The following GSE1 variants were observed in gnomAD, a reference collection of about 807,000 sequenced individuals.
GSE1 encodes the protein genetic suppressor element 1.
GSE1 carries 32 observed loss-of-function variants against 112.6 expected under a neutral mutation model. The observed-to-expected ratio is 0.28, with a 90% CI of 0.21 to 0.38. The LOEUF is 0.38. Ranked by LOEUF, GSE1 falls within the 10% of genes least tolerant of loss-of-function variation. GSE1 has a pLI of 1.00. For synonymous variants in GSE1, 1,115 were observed against 735.6 expected (o/e 1.52, Z -8.35); for missense variants, 2,348 against 1,699.2 (o/e 1.38, Z -6.71).
At chr16:85,645,180 T>TGGAGTTCTCAGGGTGTGGGCAGTGGC (rs1567709033) in intron 2 of GSE1, among the ~76,000 whole-genome samples, 1 of 151,444 alleles carries the variant, frequency 6.6e-6, no homozygotes. Context: ...TGGGCAGTGG[T>TGGAGTTCTCAGGGTGTGGGCAGTGGC]TGGCTAGTCC....
At chr16:85,254,449 C>G (rs757022786) in intron 1 of GSE1, among the ~76,000 whole-genome samples, 1 of 152,194 alleles carries the variant, frequency 6.6e-6, no homozygotes, top group African/African-American at 2.4e-5. Context: ...AGCACATATG[C>G]TGGTATTAGG....
intron 3 of GSE1, among the ~76,000 whole-genome samples, chr16:85,649,108 G>A (rs1038974610): frequency 2.0e-5 from 3 of 152,162 alleles, no homozygotes; most frequent in African/African-American, 7.2e-5. Context: ...TCCCTGGGTC[G>A]TCTGTGGTGT....
At chr16:85,486,551 A>T (rs1463203064) in intron 2 of GSE1, among the ~76,000 whole-genome samples, 1 of 152,224 alleles carries the variant, frequency 6.6e-6, no homozygotes, top group Non-Finnish European at 1.5e-5. Context: ...TTCCAAACTG[A>T]TAAGGCCTTG....
chr16:85,253,765 A>C (rs941689369), intron 1 of GSE1, among the ~76,000 whole-genome samples: 3 of 152,206 alleles, frequency 2.0e-5, no homozygotes, highest in Non-Finnish European at 2.9e-5. Flanking sequence ...TGCAAAGGCC[A>C]GGAGGTGGGA....
At position 85,187,479 on chromosome 16, in the gene GSE1, G is replaced by A. The variant is rs556748095; in HGVS notation, c.2283+15672G>A. Among the ~76,000 whole-genome samples the A allele has an allele frequency of 1.2e-4, 18 of 152,364 alleles. No individual in the cohort carries two copies. The South Asian group carries it at 1.4e-3, about 12-fold the overall frequency. Reference sequence around the variant, plus strand: ...TTGCTTCTCAAGTTTTTCCCGTGACGAAGCCCATTCTTGCTCAGTGTCACC... The same window carrying A: ...TTGCTTCTCAAGTTTTTCCCGTGACAAAGCCCATTCTTGCTCAGTGTCACC... On this transcript the variant is annotated intron_variant, in intron 1 of 2. Transcript: ENST00000637419.
In GSE1 at chr16:85,466,697, T is replaced by TAG. The variant is rs1286704992; in HGVS notation, c.2464+109055_2464+109056insGA. ...AATTAAAAAAAAAAAGAAATATATA[T>TAG]ATATAGAGAGAGAGAGGGAGAGAGG... On this transcript the variant is annotated intron_variant, in intron 2 of 2. Coordinates refer to the GSE1 transcript ENST00000637419. Among the ~76,000 whole-genome samples the TAG allele has an allele frequency of 9.9e-3, 1,229 of 123,892 alleles. 15 individuals are homozygous for TAG. Among genetic ancestry groups the TAG allele is most frequent in the South Asian group, 0.021 (82 of 3,816 alleles). The allele number at this position is 123,892 out of a possible 152,430, so 81.3% of individuals were successfully genotyped here.
chr16:85,527,042 G>A (rs1489091548), intron 2 of GSE1, among the ~76,000 whole-genome samples: 1 of 152,226 alleles, frequency 6.6e-6, no homozygotes. Flanking sequence ...TTTGGGGAGG[G>A]GGTGGCCCTC....
chr16:85,322,827 G>T (rs889402029), intron 1 of GSE1, among the ~76,000 whole-genome samples: 1 of 152,136 alleles, frequency 6.6e-6, no homozygotes, highest in African/African-American at 2.4e-5. Flanking sequence ...TGTTGGCCAG[G>T]CTGGTCTCGA....
chr16:85,500,607 G>T (rs945167401), intron 2 of GSE1, among the ~76,000 whole-genome samples: 5 of 152,232 alleles, frequency 3.3e-5, no homozygotes, highest in Non-Finnish European at 5.9e-5. Flanking sequence ...CCCGAGTGGG[G>T]TGTGCCAGGG....
At position 85,235,995 on chromosome 16, in the gene GSE1, CCTGGGGCTGAGG is replaced by C. The variant is rs760239534; in HGVS notation, c.2283+64194_2283+64205del. Among the ~76,000 whole-genome samples the C allele has an allele frequency of 9.3e-3, 1,418 of 151,976 alleles. 11 individuals carry two copies. The highest frequency in any genetic ancestry group is 0.015 in the Non-Finnish European group (992 of 67,894). On this transcript the variant is annotated intron_variant, in intron 1 of 2. Coordinates refer to the GSE1 transcript ENST00000637419. ...CGCCGGGCCTGGGCCTGGGCCTGGG[CCTGGGGCTGAGG>C]CTGGGCCTGGGGCTGCGGCTGGGGC... is the stretch of plus-strand genomic sequence containing the variant.
chr16:85,309,502 T>TA (rs2045772378), intron 1 of GSE1, among the ~76,000 whole-genome samples: 1 of 150,712 alleles, frequency 6.6e-6, no homozygotes, highest in Non-Finnish European at 1.5e-5. Flanking sequence ...TCTAAAACAA[T>TA]AATAAATAAA....
At chr16:85,663,712 G>T (rs536503944) in intron 11 of GSE1, 98 bp downstream of exon 11, 3 of 1,233,086 alleles carry the variant, frequency 2.4e-6, no homozygotes, top group Non-Finnish European at 3.4e-6. Flanking sequence ...CAGGATCTGC[G>T]ATCACTGAGC....
At chr16:85,556,770 G>A (rs569880084) in intron 1 of GSE1, among the ~76,000 whole-genome samples, 2 of 138,140 alleles carry the variant, frequency 1.4e-5, no homozygotes, top group Admixed American at 7.2e-5. Flanking sequence ...CCCCAGTCCT[G>A]GGGTTTATTT....
chr16:85,425,973 G>A (rs1248110914), intron 2 of GSE1, among the ~76,000 whole-genome samples: 1 of 151,428 alleles, frequency 6.6e-6, no homozygotes, highest in East Asian at 1.9e-4. Flanking sequence ...ACTTTAGACA[G>A]TCATGCTCTG....
chr16:85,438,367 C>T (rs1390859694), intron 2 of GSE1, among the ~76,000 whole-genome samples: 1 of 152,140 alleles, frequency 6.6e-6, no homozygotes, highest in Non-Finnish European at 1.5e-5. Context: ...TGGGGAGGGA[C>T]AGGAGGCGGA....
chr16:85,330,135 C>T (rs1444129328), intron 1 of GSE1, among the ~76,000 whole-genome samples: 2 of 152,194 alleles, frequency 1.3e-5, no homozygotes, highest in African/African-American at 4.8e-5. Flanking sequence ...TGTGCTGGGC[C>T]GAGCAGGGAC....
At chr16:85,318,552 A>C (rs1191635989) in intron 1 of GSE1, among the ~76,000 whole-genome samples, 27 of 152,206 alleles carry the variant, frequency 1.8e-4, no homozygotes, top group Admixed American at 1.8e-3. Context: ...AGCGTGAGCC[A>C]CTGTGCCCAG....
Position 85,668,007 on chromosome 16 carries a change from C to T in GSE1, c.3131-133C>T, listed in dbSNP as rs147212195. ...TTGGGCTAGGTCCCTCCTCTCTACG[C>T]GATGTCATCTTGGTCCCCGGAGCCC... is the stretch of plus-strand genomic sequence containing the variant. On this transcript the variant is annotated intron_variant, in intron 13 of 15. Coordinates refer to ENST00000253458, the MANE Select transcript of GSE1 (RefSeq NM_014615.5). 1,672 of 692,234 alleles carry T rather than the reference C, an allele frequency of 2.4e-3. 5 individuals carry two copies. The highest frequency in any genetic ancestry group is 5.0e-3 in the South Asian group (250 of 49,762). 42.9% of individuals were successfully genotyped at this position (692,234 alleles called of 1,614,324 possible).
intron 2 of GSE1, among the ~76,000 whole-genome samples, chr16:85,462,103 C>T (rs1310467757): frequency 6.6e-6 from 1 of 151,972 alleles, no homozygotes; most frequent in Non-Finnish European, 1.5e-5. Context: ...CTGTGCTCTG[C>T]AGGGCTGTGG....
Sources: gnomAD v4.1 joint callset for allele counts (sites outside exome capture counted in the v4.1 genomes callset) on GRCh38, gnomAD v4.1.1 for gene constraint, MANE v1.5 for transcripts, NCBI Gene and HGNC (gene_info 2026-07-23, HGNC 2026-07-21) for gene names.